Variants in MKLN1 observed in about 807,000 individuals in gnomAD.
MKLN1 encodes the protein muskelin 1, also known as muskelin.
MKLN1 carries 18 observed loss-of-function variants against 99.0 expected under a neutral mutation model. The observed-to-expected ratio is 0.18, with a 90% CI of 0.13 to 0.27. The LOEUF is 0.27. Ranked by LOEUF, MKLN1 falls within the 10% of genes least tolerant of loss-of-function variation. MKLN1 has a pLI of 1.00. For missense variants in MKLN1, 621 were observed against 875.9 expected, an observed-to-expected ratio of 0.71 and a Z score of 3.67; for synonymous variants, 288 against 293.2, an observed-to-expected ratio of 0.98 and a Z score of 0.18.
At chr7:131,283,880 T>A (rs1798095631) in intron 3 of MKLN1, among the ~76,000 whole-genome samples, 1 of 152,270 alleles carries the variant, frequency 6.6e-6, no homozygotes, top group South Asian at 2.1e-4. Flanking sequence ...TGTACATATT[T>A]TTTTCTGTAG....
chr7:131,361,562 C>T (rs1800028699), intron 1 of MKLN1, among the ~76,000 whole-genome samples: 2 of 151,048 alleles, frequency 1.3e-5, no homozygotes, highest in Admixed American at 1.3e-4. Flanking sequence ...ATTTAGCATG[C>T]ATTCCAGTTT....
intron 3 of MKLN1, among the ~76,000 whole-genome samples, chr7:131,239,352 A>T (rs986097269): frequency 1.3e-5 from 2 of 151,326 alleles, no homozygotes; most frequent in African/African-American, 2.4e-5. Flanking sequence ...TCACTCTGTC[A>T]CCCAGGCTGG....
At chr7:131,209,856 G>A (rs1313677208) in intron 3 of MKLN1, among the ~76,000 whole-genome samples, 3 of 152,026 alleles carry the variant, frequency 2.0e-5, no homozygotes, top group African/African-American at 4.8e-5. Flanking sequence ...GAATACCATC[G>A]CAATAGTTGG....
chr7:131,420,285 G>A (rs1219135565), intron 8 of MKLN1, among the ~76,000 whole-genome samples: 1 of 151,770 alleles, frequency 6.6e-6, no homozygotes, highest in Non-Finnish European at 1.5e-5. Context: ...AAGAGAAAAA[G>A]AGAGAGGGGG....
intron 1 of MKLN1, among the ~76,000 whole-genome samples, chr7:131,372,253 A>G (rs1793485207): frequency 6.6e-6 from 1 of 152,012 alleles, no homozygotes; most frequent in Non-Finnish European, 1.5e-5. Context: ...CTAGTTCTTT[A>G]GCTTTTAATT....
intron 12 of MKLN1, among the ~76,000 whole-genome samples, chr7:131,457,651 C>A (rs1266538065): frequency 1.3e-5 from 2 of 152,138 alleles, no homozygotes; most frequent in Non-Finnish European, 2.9e-5. Flanking sequence ...CACGGGGGCT[C>A]ACACCTGTAA....
At chr7:131,300,687 CAA>C (rs35187256) in intron 3 of MKLN1, among the ~76,000 whole-genome samples, 1 of 118,708 alleles carries the variant, frequency 8.4e-6, no homozygotes, top group Non-Finnish European at 1.7e-5. Context: ...GACCCTGTCT[CAA>C]AAAAAAAAAA....
At chr7:131,305,967 T>G (rs1798459089) in intron 3 of MKLN1, among the ~76,000 whole-genome samples, 2 of 152,152 alleles carry the variant, frequency 1.3e-5, no homozygotes, top group African/African-American at 4.8e-5. Context: ...TCCCCACGTG[T>G]CAGGGAAAGG....
chr7:131,243,299 G>A (rs755189071), intron 3 of MKLN1, among the ~76,000 whole-genome samples: 1 of 152,144 alleles, frequency 6.6e-6, no homozygotes, highest in Non-Finnish European at 1.5e-5. Context: ...CTGCTCTTCA[G>A]GGGGCCTAGA....
At chr7:131,379,640 A>C (rs1019841694) in intron 2 of MKLN1, among the ~76,000 whole-genome samples, 1 of 152,228 alleles carries the variant, frequency 6.6e-6, no homozygotes, top group African/African-American at 2.4e-5. Flanking sequence ...AAGACCTACT[A>C]TTTGATAGCA....
chr7:131,208,430 CA>C (rs1269769752), intron 3 of MKLN1, among the ~76,000 whole-genome samples: 1 of 152,062 alleles, frequency 6.6e-6, no homozygotes, highest in African/African-American at 2.4e-5. Flanking sequence ...CCTGTCTCAA[CA>C]AAAAAATATA....
intron 8 of MKLN1, among the ~76,000 whole-genome samples, chr7:131,422,456 C>T (rs567262344): frequency 6.6e-6 from 1 of 152,206 alleles, no homozygotes; most frequent in Non-Finnish European, 1.5e-5. Flanking sequence ...GAGGCTGAGG[C>T]TTGAGGAGGA....
intron 2 of MKLN1, among the ~76,000 whole-genome samples, chr7:131,384,078 C>T (rs1452098918): frequency 6.6e-6 from 1 of 152,124 alleles, no homozygotes; most frequent in African/African-American, 2.4e-5. Context: ...ATTTTCAACA[C>T]ATACCATTTT....
At chr7:131,324,934 A>G (rs1798854096), upstream of MKLN1, among the ~76,000 whole-genome samples, 1 of 152,186 alleles carries the variant, frequency 6.6e-6, no homozygotes, top group Non-Finnish European at 1.5e-5. Flanking sequence ...AAATTATTTT[A>G]CCATTTATAA....
intron 2 of MKLN1, among the ~76,000 whole-genome samples, chr7:131,376,556 C>A (rs564342517): frequency 6.7e-6 from 1 of 150,212 alleles, no homozygotes; most frequent in Non-Finnish European, 1.5e-5. Context: ...GCAGGAGAAT[C>A]GTTTGAACCC....
At chr7:131,182,033 C>T (rs1796384394) in intron 2 of MKLN1, among the ~76,000 whole-genome samples, 1 of 152,098 alleles carries the variant, frequency 6.6e-6, no homozygotes, top group Non-Finnish European at 1.5e-5. Flanking sequence ...ACCCGGGAAG[C>T]TGAAGAAGGA....
At chr7:131,178,407 G>A (rs1307928087) in intron 2 of MKLN1, among the ~76,000 whole-genome samples, 2 of 150,640 alleles carry the variant, frequency 1.3e-5, no homozygotes, top group Non-Finnish European at 2.9e-5. Flanking sequence ...AAAGTGCTGG[G>A]ATTACAGGCA....
rs187109733 is a variant in MKLN1, at chr7:131,207,420, A to G, written c.-179+4446A>G. On this transcript the variant is annotated intron_variant, in intron 3 of 7. Transcript: ENST00000416992. ...GTCATGTTGGCCAGGCTGGTCTGGAACTCCTGGCCTCAAGTGATCCGCCCA... is the reference window on the plus strand; with the variant it reads ...GTCATGTTGGCCAGGCTGGTCTGGAGCTCCTGGCCTCAAGTGATCCGCCCA... 7.6e-3 allele frequency among the ~76,000 whole-genome samples: 1,157 copies of G among 151,766 alleles called. 5 individuals carry two copies. The highest frequency in any genetic ancestry group is 0.013 in the Non-Finnish European group (877 of 67,926).
At chr7:131,248,077 A>T (rs1041719542) in intron 3 of MKLN1, among the ~76,000 whole-genome samples, 2 of 95,838 alleles carry the variant, frequency 2.1e-5, no homozygotes, top group African/African-American at 9.2e-5. Flanking sequence ...TACATTTATT[A>T]TTTATTTATT....
Sources: gnomAD v4.1 joint callset for allele counts (sites outside exome capture counted in the v4.1 genomes callset) on GRCh38, gnomAD v4.1.1 for gene constraint, MANE v1.5 for transcripts, NCBI Gene and HGNC (gene_info 2026-07-23, HGNC 2026-07-21) for gene names.